The following ZDHHC17 variants were observed in gnomAD, a reference collection of about 807,000 sequenced individuals.
ZDHHC17 encodes palmitoyltransferase ZDHHC17.
A neutral mutation model predicts 90.3 loss-of-function variants in ZDHHC17; 40 were observed. The observed-to-expected ratio is 0.44, with a 90% CI of 0.34 to 0.58. ZDHHC17 has a LOEUF of 0.58. Among genes scored for constraint, ZDHHC17 ranks in the 20% least tolerant of loss-of-function variants. The pLI, the probability that ZDHHC17 is intolerant of heterozygous loss-of-function variation, is 0.01. For missense variants in ZDHHC17, 614 were observed against 780.8 expected (o/e 0.79, Z 2.55); for synonymous variants, 235 against 252.4 (o/e 0.93, Z 0.65).
intron 1 of ZDHHC17, among the ~76,000 whole-genome samples, chr12:76,765,709 T>A (rs966265553): frequency 6.6e-6 from 1 of 152,222 alleles, no homozygotes; most frequent in Non-Finnish European, 1.5e-5. Flanking sequence ...TTTATCCAGT[T>A]TATTTTTTTG....
intron 1 of ZDHHC17, among the ~76,000 whole-genome samples, chr12:76,787,263 C>G (rs1025676836): frequency 6.6e-6 from 1 of 152,112 alleles, no homozygotes; most frequent in Non-Finnish European, 1.5e-5. Context: ...TTATCATCAA[C>G]TAGGAGATAC....
At chr12:76,829,829 T>C (rs1953277356) in intron 10 of ZDHHC17, among the ~76,000 whole-genome samples, 1 of 152,276 alleles carries the variant, frequency 6.6e-6, no homozygotes. Context: ...GTAGTATACT[T>C]ACCCTATTTA....
intron 1 of ZDHHC17, among the ~76,000 whole-genome samples, chr12:76,792,724 T>A (rs867404455): frequency 2.3e-4 from 35 of 152,236 alleles, no homozygotes; most frequent in Admixed American, 8.5e-4. Flanking sequence ...ACTATAATTT[T>A]AAAAAAATAT....
chr12:76,770,358 G>A (rs1292231762), intron 1 of ZDHHC17, among the ~76,000 whole-genome samples: 1 of 152,130 alleles, frequency 6.6e-6, no homozygotes, highest in Admixed American at 6.6e-5. Flanking sequence ...TGCCCTATTT[G>A]ATGTTTTTAA....
rs188135743 is a variant in ZDHHC17, at chr12:76,828,538, A to G, written c.1141+48A>G. On this transcript the variant is annotated intron_variant, in intron 10 of 16. Coordinates refer to ENST00000426126, the MANE Select transcript of ZDHHC17 (RefSeq NM_015336.4). The stretch of plus-strand genomic sequence containing the variant: ...ATACCAAAAACAAATTTTGTTTGTT[A>G]TTTGAATAGATGTTTAATAATTTGA... The G allele has an allele frequency of 1.0e-5, 15 of 1,504,370 alleles. No individual in the cohort carries two copies. In the African/African-American group the frequency reaches 1.7e-4, roughly 17 times the overall value. The allele number at this position is 1,504,370 out of a possible 1,614,324, so 93.2% of individuals were successfully genotyped here.
intron 2 of ZDHHC17, among the ~76,000 whole-genome samples, chr12:76,804,645 A>G (rs1488378991): frequency 6.6e-6 from 1 of 152,198 alleles, no homozygotes; most frequent in African/African-American, 2.4e-5. Context: ...TTAAGCGTGG[A>G]AAAGGACGGG....
At chr12:76,808,577 A>G (rs1330167376) in intron 3 of ZDHHC17, among the ~76,000 whole-genome samples, 5 of 152,220 alleles carry the variant, frequency 3.3e-5, no homozygotes, top group Admixed American at 3.3e-4. Context: ...TTAAAGGCAC[A>G]AGAAATAACA....
intron 5 of ZDHHC17, chr12:76,813,469 A>G: frequency 2.9e-6 from 1 of 344,604 alleles, no homozygotes; most frequent in Non-Finnish European, 5.8e-6. Flanking sequence ...TAAGTTAATG[A>G]CATCCAAGGA....
Position 76,805,393 on chromosome 12 carries a change from A to G in ZDHHC17, c.274A>G (p.Thr92Ala). The G allele has an allele frequency of 6.3e-7, 1 of 1,599,376 alleles. No homozygotes were observed. The highest frequency in any genetic ancestry group is 8.5e-7 in the Non-Finnish European group (1 of 1,171,578). The change falls in exon 3 of 17, where the codon ACC becomes GCC. Residue 92 changes from threonine (T) to alanine (A), a missense_variant. By Grantham distance (58) the Thr-to-Ala change is moderately conservative. Around this residue, in one of 5 missense-constraint regions of ZDHHC17, gnomAD observed 358 missense variants for 380.4 expected, o/e 0.94. Coordinates refer to ENST00000426126, the MANE Select transcript of ZDHHC17 (RefSeq NM_015336.4). ...ACGGCAACCGGACAAAGAAAATGTT[A>G]CCCTCCTCCATTGGGCTGCCATCAA... is the stretch of plus-strand genomic sequence containing the variant. Reference protein sequence around the residue: ...DVRQPDKENVTLLHWAAINNR... With the variant: ...DVRQPDKENVALLHWAAINNR...
intron 14 of ZDHHC17, among the ~76,000 whole-genome samples, chr12:76,846,915 A>T (rs1413664322): frequency 6.6e-6 from 1 of 152,216 alleles, no homozygotes; most frequent in Admixed American, 6.5e-5. Context: ...TCTGAAAAAC[A>T]TATTGGTTTA....
chr12:76,779,646 G>A (rs1039002974), intron 1 of ZDHHC17, among the ~76,000 whole-genome samples: 3 of 152,128 alleles, frequency 2.0e-5, no homozygotes, highest in African/African-American at 7.2e-5. Context: ...CCTCATAACA[G>A]TCTTTCCCAG....
chr12:76,831,686 A>G (rs1431706074), intron 10 of ZDHHC17, among the ~76,000 whole-genome samples: 1 of 151,804 alleles, frequency 6.6e-6, no homozygotes, highest in Non-Finnish European at 1.5e-5. Flanking sequence ...ACTGTGTCAC[A>G]CCCAGACTGG....
intron 1 of ZDHHC17, among the ~76,000 whole-genome samples, chr12:76,779,054 T>C (rs977613849): frequency 1.3e-5 from 2 of 152,228 alleles, no homozygotes; most frequent in African/African-American, 2.4e-5. Context: ...TTAAAGACCC[T>C]AGCTCCAAAT....
intron 2 of ZDHHC17, among the ~76,000 whole-genome samples, chr12:76,803,896 A>G (rs929717984): frequency 1.3e-5 from 2 of 152,190 alleles, no homozygotes; most frequent in Non-Finnish European, 2.9e-5. Flanking sequence ...GATGCCCTCA[A>G]AGGGGTGACT....
At chr12:76,766,112 G>A (rs1032971237) in intron 1 of ZDHHC17, among the ~76,000 whole-genome samples, 4 of 152,160 alleles carry the variant, frequency 2.6e-5, no homozygotes, top group Non-Finnish European at 5.9e-5. Flanking sequence ...CAGATTATTT[G>A]GTGTAGTAGA....
intron 7 of ZDHHC17, among the ~76,000 whole-genome samples, chr12:76,818,839 T>G (rs1953122766): frequency 6.6e-6 from 1 of 152,250 alleles, no homozygotes; most frequent in Non-Finnish European, 1.5e-5. Context: ...AAAGGATTTA[T>G]GTAGGCTGAT....
At chr12:76,829,330 G>C (rs988350429) in intron 10 of ZDHHC17, among the ~76,000 whole-genome samples, 1 of 151,794 alleles carries the variant, frequency 6.6e-6, no homozygotes, top group African/African-American at 2.4e-5. Flanking sequence ...GGTGGCACGT[G>C]CCTGTATTCC....
chr12:76,786,105 CT>C (rs1420474664), intron 1 of ZDHHC17, among the ~76,000 whole-genome samples: 2 of 142,154 alleles, frequency 1.4e-5, no homozygotes, highest in African/African-American at 5.3e-5. Context: ...TTTTCTTTTT[CT>C]TTCTTTTCTT....
chr12:76,826,634 G>A (rs184890787), intron 8 of ZDHHC17, among the ~76,000 whole-genome samples: 2 of 152,268 alleles, frequency 1.3e-5, no homozygotes, highest in African/African-American at 4.8e-5. Context: ...TATGTGTTAA[G>A]CAGGTAGTAC....
Sources: allele counts gnomAD v4.1 joint callset (sites outside exome capture counted in the v4.1 genomes callset), GRCh38; gene constraint gnomAD v4.1.1; regional missense constraint gnomAD v4.1.1; transcripts MANE v1.5; gene names NCBI Gene and HGNC (gene_info 2026-07-23, HGNC 2026-07-21).